DNAJB13: variants seen among roughly 807,000 people sequenced by gnomAD.
DNAJB13 encodes the protein DnaJ heat shock protein family (Hsp40) member B13.
A neutral mutation model predicts 35.6 loss-of-function variants in DNAJB13; 22 were observed. The ratio of observed to expected loss-of-function variants is 0.62; its 90% confidence interval spans 0.44 to 0.88. DNAJB13 has a LOEUF of 0.88. Ranked by LOEUF, DNAJB13 falls within the 40% of genes least tolerant of loss-of-function variation. The pLI is 0.00. For synonymous variants in DNAJB13, 136 were observed against 144.2 expected, an observed-to-expected ratio of 0.94 and a Z score of 0.41; for missense variants, 370 against 384.3, an observed-to-expected ratio of 0.96 and a Z score of 0.31.
chr11:73,957,654 G>A (rs912895613), intron 1 of DNAJB13, among the ~76,000 whole-genome samples: 1 of 152,098 alleles, frequency 6.6e-6, no homozygotes, highest in African/African-American at 2.4e-5. Context: ...CAGAGGACTG[G>A]GCAGGAACAG....
rs1037383929 is a variant in DNAJB13 at position 73,970,228 on chromosome 11, T to C, written c.*114T>C. On this transcript the variant is annotated 3_prime_UTR_variant, in exon 8 of 8. Transcript: ENST00000339764. ...CTGCTGCACAGATATGATACAAGGG[T>C]GGGATGGCGCAGGGCTTAAACTGAC... is the stretch of plus-strand genomic sequence containing the variant. 3 of 1,365,564 alleles carry C rather than the reference T, an allele frequency of 2.2e-6. No individual in the cohort carries two copies. The highest frequency in any genetic ancestry group is 1.5e-5 in the African/African-American group (1 of 67,832). 84.6% of individuals were successfully genotyped at this position (1,365,564 alleles called of 1,614,324 possible). A position where few individuals can be genotyped will look rare whatever the true frequency, so the allele number is the denominator to read the frequency against.
chr11:73,959,813 A>T, intron 3 of DNAJB13, 158 bp downstream of exon 3: 1 of 703,120 alleles, frequency 1.4e-6, no homozygotes, highest in Non-Finnish European at 2.0e-6. Context: ...CCCAGGCTGG[A>T]GTGCAGTAGT....
chr11:73,962,582 G>T (rs1248566491), intron 3 of DNAJB13, among the ~76,000 whole-genome samples: 1 of 152,130 alleles, frequency 6.6e-6, no homozygotes, highest in African/African-American at 2.4e-5. Flanking sequence ...ATCTTGCAAA[G>T]GCAGTGAAAA....
Position 73,964,806 on chromosome 11 carries a change from TGTGTGTGC to T in DNAJB13, c.335-70_335-63del, listed in dbSNP as rs770449296. The stretch of plus-strand genomic sequence containing the variant: ...GTGTGTGTGTGTGTGTGTGTGTGTG[TGTGTGTGC>T]GCGCGCGCGCATGTCTGGGTCTCTG... On this transcript the variant is annotated intron_variant, in intron 3 of 7. Transcript: ENST00000339764. The T allele has an allele frequency of 5.7e-4, 416 of 729,130 alleles. 10 individuals carry two copies. Among genetic ancestry groups the T allele is most frequent in the African/African-American group, 3.2e-3 (129 of 40,938 alleles). 45.2% of individuals were successfully genotyped at this position (729,130 alleles called of 1,614,324 possible).
At position 73,968,380 on chromosome 11, in the gene DNAJB13, C is replaced by G. The variant is rs147781277; in HGVS notation, c.642C>G (p.Ile214Met). 3 of 1,614,152 alleles carry G rather than the reference C, an allele frequency of 1.9e-6. No homozygotes were observed. In the South Asian group the frequency reaches 3.3e-5, roughly 18 times the overall value. Reference sequence around the variant, plus strand: ...TCATCCCAGCAGACATCATTTTCATCGTAAAGGAGAAGCTACACCCTCGCT... The same window carrying G: ...TCATCCCAGCAGACATCATTTTCATGGTAAAGGAGAAGCTACACCCTCGCT... Reference protein sequence around the residue: ...PNIIPADIIFIVKEKLHPRFR... With the variant: ...PNIIPADIIFMVKEKLHPRFR... The change falls in exon 6 of 8, where the codon ATC becomes ATG. Residue 214 changes from isoleucine (I) to methionine (M), a missense_variant. Physicochemically the swap from Ile to Met is conservative, Grantham distance 10. Transcript: ENST00000339764.
In DNAJB13 at chr11:73,959,708, A is replaced by C. The variant is rs531660354; in HGVS notation, c.334+53A>C. 3.8e-5 allele frequency: 56 copies of C among 1,460,540 alleles called. No homozygotes were observed. In the East Asian group the frequency reaches 1.3e-3, roughly 35 times the overall value. 90.5% of individuals were successfully genotyped at this position (1,460,540 alleles called of 1,614,324 possible). Reference sequence around the variant, plus strand: ...CTTATAGAGAAAGGACACTGCTATAAGTGATGTTTTCGTTGAGTAGTTTTG... The same window carrying C: ...CTTATAGAGAAAGGACACTGCTATACGTGATGTTTTCGTTGAGTAGTTTTG... On this transcript the variant is annotated intron_variant, in intron 3 of 7. Transcript: ENST00000339764.
In DNAJB13 at chr11:73,959,530, A is replaced by C; in HGVS notation, c.209A>C (p.Glu70Ala). 6.2e-7 allele frequency: 1 copy of C among 1,614,066 alleles called. No individual in the cohort carries two copies. The highest frequency in any genetic ancestry group is 1.3e-5 in the African/African-American group (1 of 75,036). Residue 70 changes from glutamate to alanine, a missense_variant, in exon 3 of 8, where the codon GAG becomes GCG. Coordinates refer to ENST00000339764, the MANE Select transcript of DNAJB13 (RefSeq NM_153614.4). ...GGCATCTACGACAAGTTTGGAGAAGAGGGCCTGAAGGGTGGGATTCCTTTG... is the reference window on the plus strand; with the variant it reads ...GGCATCTACGACAAGTTTGGAGAAGCGGGCCTGAAGGGTGGGATTCCTTTG... ...KRGIYDKFGE[E>A]GLKGGIPLEF...
At chr11:73,969,030 A>G (rs1165594467) in intron 6 of DNAJB13, among the ~76,000 whole-genome samples, 1 of 152,204 alleles carries the variant, frequency 6.6e-6, no homozygotes, top group Admixed American at 6.5e-5. Flanking sequence ...CTCCATCATT[A>G]CATTTATACA....
intron 3 of DNAJB13, chr11:73,963,956 A>C (rs1277168309): frequency 6.6e-6 from 1 of 152,214 alleles, no homozygotes; most frequent in East Asian, 1.9e-4. Context: ...TCCCAACTCT[A>C]CTGCTTACTA....
At chr11:73,968,159 T>C (rs1490417546) in intron 5 of DNAJB13, 186 bp from the exon 6 acceptor site, 4 of 609,744 alleles carry the variant, frequency 6.6e-6, no homozygotes, top group East Asian at 2.8e-5. Flanking sequence ...GGGGATTCAT[T>C]TGGGTAAGCT....
intron 3 of DNAJB13, 200 bp downstream of exon 3, chr11:73,959,855 C>T (rs898254242): frequency 1.6e-5 from 6 of 382,520 alleles, no homozygotes; most frequent in South Asian, 8.2e-5. Flanking sequence ...CTCTGCCTCC[C>T]GGGTTCAAAT....
rs34820619 is a variant in DNAJB13, at chr11:73,969,745, TAAAC to T, written c.798-212_798-209del. On this transcript the variant is annotated intron_variant, in intron 7 of 7. Transcript: ENST00000339764. ...CCTTTACTTCCCGTTTCCCATGTCT[TAAAC>T]AAAGTTTCTGGAATCCTCCATCAGA... is the stretch of plus-strand genomic sequence containing the variant. Among the ~76,000 whole-genome samples the T allele has an allele frequency of 0.17, 25,322 of 152,076 alleles. 2,320 individuals are homozygous for T. Among genetic ancestry groups the T allele is most frequent in the East Asian group, 0.27 (1,413 of 5,142 alleles).
At chr11:73,968,038 TTGCCTGACGCCCAGCTTAGTGTTCCACC>T (rs1445387327) in intron 5 of DNAJB13, 4 of 493,874 alleles carry the variant, frequency 8.1e-6, no homozygotes, top group Admixed American at 3.5e-5. Context: ...ATACGGGCAG[TTGCCTGACGCCCAGCTTAGTGTTCCACC>T]TGCCTGCCGT....
intron 1 of DNAJB13, 71 bp from the exon 2 acceptor site, chr11:73,958,246 G>A (rs1950815847): frequency 6.7e-7 from 1 of 1,502,236 alleles, no homozygotes; most frequent in Non-Finnish European, 9.2e-7. Flanking sequence ...ACAGAGTGCC[G>A]GCTCTGAACT....
At chr11:73,962,330 G>GTGGA (rs1950952794) in intron 3 of DNAJB13, among the ~76,000 whole-genome samples, 1 of 148,278 alleles carries the variant, frequency 6.7e-6, no homozygotes, top group Admixed American at 6.8e-5. Flanking sequence ...GTGTGGATGG[G>GTGGA]TGGATGCATG....
chr11:73,951,221 A>G lies in DNAJB13; in HGVS notation c.68+84A>G, dbSNP rs748085556. On this transcript the variant is annotated intron_variant, in intron 1 of 7. Coordinates refer to ENST00000339764, the MANE Select transcript of DNAJB13 (RefSeq NM_153614.4). The stretch of plus-strand genomic sequence containing the variant: ...TCTTCCAAAACGAGCTTTCCTGCAC[A>G]GCTTAGCGCAGACAAGGTAAACCTT... 8 of 1,498,786 alleles carry G rather than the reference A, an allele frequency of 5.3e-6. No homozygotes were observed. In the Middle Eastern group the frequency reaches 5.8e-4, roughly 108 times the overall value. 92.8% of individuals were successfully genotyped at this position (1,498,786 alleles called of 1,614,324 possible). A position where few individuals can be genotyped will look rare whatever the true frequency, so the allele number is the denominator to read the frequency against.
At chr11:73,969,389 T>A in intron 7 of DNAJB13, 67 bp downstream of exon 7, 1 of 845,702 alleles carries the variant, frequency 1.2e-6, no homozygotes, top group Non-Finnish European at 2.1e-6. Context: ...GGTGGTAGTG[T>A]GACAGGTCTG....
chr11:73,957,278 G>A (rs1215564818), intron 1 of DNAJB13, among the ~76,000 whole-genome samples: 1 of 152,228 alleles, frequency 6.6e-6, no homozygotes, highest in African/African-American at 2.4e-5. Flanking sequence ...AGTCAGCTGT[G>A]TCGCTTGACA....
chr11:73,964,685 C>A, intron 3 of DNAJB13, 193 bp from the exon 4 acceptor site: 1 of 617,906 alleles, frequency 1.6e-6, no homozygotes, highest in Non-Finnish European at 2.8e-6. Context: ...CTTGGCTTGG[C>A]CAGTCTGAGA....
Sources: gnomAD v4.1 joint callset for allele counts (sites outside exome capture counted in the v4.1 genomes callset) on GRCh38, gnomAD v4.1.1 for gene constraint, MANE v1.5 for transcripts, NCBI Gene and HGNC (gene_info 2026-07-23, HGNC 2026-07-21) for gene names.